Variants in PCDHGA7 observed in about 807,000 individuals in gnomAD.
The protein encoded by PCDHGA7 is protocadherin gamma-A7.
A neutral mutation model predicts 58.3 loss-of-function variants in PCDHGA7; 44 were observed. That is an observed-to-expected ratio of 0.75 (90% CI 0.59 to 0.97). The LOEUF (loss-of-function observed/expected upper bound fraction) is 0.97, where lower values mean the gene tolerates loss of function less well. PCDHGA7 is among the 50% of genes least tolerant of loss of function. PCDHGA7 has a pLI of 0.00. For synonymous variants in PCDHGA7, 516 were observed against 504.2 expected, an observed-to-expected ratio of 1.02 and a Z score of -0.31; for missense variants, 1,266 against 1,188.7, an observed-to-expected ratio of 1.06 and a Z score of -0.96.
chr5:141,446,191 T>C (rs2098492956), intron 1 of PCDHGA7, among the ~76,000 whole-genome samples: 1 of 152,206 alleles, frequency 6.6e-6, no homozygotes, highest in Non-Finnish European at 1.5e-5. Flanking sequence ...TGTTTATTAT[T>C]ATATTCCTAG....
chr5:141,449,830 T>G (rs1316368063), intron 1 of PCDHGA7, among the ~76,000 whole-genome samples: 1 of 151,724 alleles, frequency 6.6e-6, no homozygotes, highest in Non-Finnish European at 1.5e-5. Flanking sequence ...AAGGACATTC[T>G]TTTATATAAT....
chr5:141,392,911 A>G (rs1416480997), intron 1 of PCDHGA7: 1 of 1,613,712 alleles, frequency 6.2e-7, no homozygotes, highest in African/African-American at 1.3e-5. Context: ...CAGATTCGCT[A>G]CTCTGTGCCA....
chr5:141,383,259 C>G lies in PCDHGA7; in HGVS notation c.360C>G (p.Asp120Glu), dbSNP rs768704302. ...ATAAAATGAATCTTTACCCTATAGACGTGGAAATAATAGATATTAATGACA... is the reference window on the plus strand; with the variant it reads ...ATAAAATGAATCTTTACCCTATAGAGGTGGAAATAATAGATATTAATGACA... The part of the protein sequence containing the change: ...MEDKMNLYPI[D>E]VEIIDINDNV... Residue 120 changes from aspartate (D) to glutamate (E), a missense_variant, in exon 1 of 4, where the codon GAC (aspartate) becomes GAG (glutamate). Coordinates refer to ENST00000518325, the MANE Select transcript of PCDHGA7 (RefSeq NM_018920.4). 1 of 1,613,810 alleles carries G rather than the reference C, an allele frequency of 6.2e-7. No individual in the cohort carries two copies. The highest frequency in any genetic ancestry group is 1.1e-5 in the South Asian group (1 of 91,078).
intron 1 of PCDHGA7, chr5:141,418,422 G>A: frequency 6.2e-7 from 1 of 1,613,996 alleles, no homozygotes; most frequent in East Asian, 2.2e-5. Context: ...AATCCTGATG[G>A]TGGCAAATAT....
At position 141,390,587 on chromosome 5, in the gene PCDHGA7, A is replaced by G. The variant is rs1043489470; in HGVS notation, c.2424+5264A>G. The G allele has an allele frequency of 4.1e-5, 14 of 340,484 alleles. No homozygotes were observed. The Admixed American group carries it at 6.3e-4, about 15-fold the overall frequency. The allele number at this position is 340,484 out of a possible 1,614,324, so 21.1% of individuals were successfully genotyped here. A position where few individuals can be genotyped will look rare whatever the true frequency, so the allele number is the denominator to read the frequency against. Reference sequence around the variant, plus strand: ...TTGGCTCTCTCCTAAAAAGTGAATGAGATTTTTCCTATACATTTTCCTTCT... The same window carrying G: ...TTGGCTCTCTCCTAAAAAGTGAATGGGATTTTTCCTATACATTTTCCTTCT... On this transcript the variant is annotated intron_variant, in intron 1 of 3. Transcript: ENST00000518325.
chr5:141,392,916 G>A, intron 1 of PCDHGA7: 1 of 1,613,936 alleles, frequency 6.2e-7, no homozygotes, highest in Non-Finnish European at 8.5e-7. Context: ...TCGCTACTCT[G>A]TGCCAGAAGA....
chr5:141,497,031 A>G (rs898409925), intron 2 of PCDHGA7, among the ~76,000 whole-genome samples: 14 of 152,184 alleles, frequency 9.2e-5, no homozygotes, highest in African/African-American at 3.4e-4. Context: ...TCGATTAAAA[A>G]TACAAAAATT....
At chr5:141,509,454 G>T (rs1164813611) in intron 3 of PCDHGA7, among the ~76,000 whole-genome samples, 2 of 151,976 alleles carry the variant, frequency 1.3e-5, no homozygotes, top group African/African-American at 2.4e-5. Flanking sequence ...TCCCACCCCC[G>T]ACCCAGTCAG....
chr5:141,489,174 C>A lies in PCDHGA7; in HGVS notation c.2425-5633C>A. On this transcript the variant is annotated intron_variant, in intron 1 of 3. Coordinates refer to ENST00000518325, the MANE Select transcript of PCDHGA7 (RefSeq NM_018920.4). The surrounding 1 kb of genome is among the most constrained non-coding windows in gnomAD (Gnocchi z 4.5). ...ATAAGAGACTTCAGCTGCTGCATTC[C>A]AAGCCCTGGGTCTACCTTGGAGACA... The A allele has an allele frequency of 8.2e-7, 1 of 1,224,772 alleles. No individual in the cohort carries two copies. 75.9% of individuals were successfully genotyped at this position (1,224,772 alleles called of 1,614,324 possible).
intron 1 of PCDHGA7, chr5:141,400,024 G>C (rs2093943300): frequency 6.2e-7 from 1 of 1,612,894 alleles, no homozygotes; most frequent in Non-Finnish European, 8.5e-7. Flanking sequence ...CGACAGGGAC[G>C]CGGCCCGCCA....
Position 141,485,842 on chromosome 5 carries a change from T to G in PCDHGA7, c.2425-8965T>G. 4 of 1,614,002 alleles carry G rather than the reference T, an allele frequency of 2.5e-6. No homozygotes were observed. The highest frequency in any genetic ancestry group is 3.4e-6 in the Non-Finnish European group (4 of 1,179,982). On this transcript the variant is annotated intron_variant, in intron 1 of 3. Coordinates refer to ENST00000518325, the MANE Select transcript of PCDHGA7 (RefSeq NM_018920.4). The surrounding 1 kb of genome is among the most constrained non-coding windows in gnomAD (Gnocchi z 5.7). ...TCGATGGAGGGAACCCGCCGAGATC[T>G]GGCACCGCAGAGCTCCGGGTATCCG...
At chr5:141,424,357 G>A (rs1171882619) in intron 1 of PCDHGA7, 1 of 152,122 alleles carries the variant, frequency 6.6e-6, no homozygotes, top group Non-Finnish European at 1.5e-5. Context: ...ATAAAATTTA[G>A]ATCACATTTT....
In PCDHGA7 at chr5:141,384,259, C is replaced by A; in HGVS notation, c.1360C>A (p.His454Asn). The change falls in exon 1 of 4, where the codon CAC becomes AAC. Residue 454 changes from histidine to asparagine, a missense_variant. Transcript: ENST00000518325. ...DTNDNPPTFP[H>N]SSYSVYIAEN... is the part of the protein sequence containing the mutation. ...CAACGATAACCCACCCACCTTCCCCCACTCATCCTACTCAGTCTACATCGC... is the reference window on the plus strand; with the variant it reads ...CAACGATAACCCACCCACCTTCCCCAACTCATCCTACTCAGTCTACATCGC... 1 of 1,613,886 alleles carries A rather than the reference C, an allele frequency of 6.2e-7. No individual in the cohort carries two copies. Among genetic ancestry groups the A allele is most frequent in the Non-Finnish European group, 8.5e-7 (1 of 1,179,898 alleles).
At chr5:141,417,781 G>C in intron 1 of PCDHGA7, 1 of 1,473,574 alleles carries the variant, frequency 6.8e-7, no homozygotes. Flanking sequence ...CCTGTCCTGG[G>C]CCGAATGCTC....
chr5:141,395,435 T>A, intron 1 of PCDHGA7: 1 of 680,384 alleles, frequency 1.5e-6, no homozygotes, highest in Non-Finnish European at 2.3e-6. Context: ...TTTAAACGAC[T>A]TGGAAAAGAT....
At chr5:141,415,824 CT>C (rs1412807947) in intron 1 of PCDHGA7, 8 of 1,306,364 alleles carry the variant, frequency 6.1e-6, no homozygotes, top group Non-Finnish European at 7.8e-6. Flanking sequence ...TATCATAAGG[CT>C]TTGTTATGAT....
intron 1 of PCDHGA7, among the ~76,000 whole-genome samples, chr5:141,465,576 C>T (rs1002696285): frequency 6.6e-6 from 1 of 152,136 alleles, no homozygotes; most frequent in Non-Finnish European, 1.5e-5. Context: ...TCTCAAAACA[C>T]TCTCATAATA....
intron 1 of PCDHGA7, chr5:141,415,739 GGTTTTTTTTT>G: frequency 6.9e-6 from 3 of 434,948 alleles, no homozygotes; most frequent in Middle Eastern, 6.4e-4. Context: ...TGTTTATTAA[GGTTTTTTTTT>G]TTTTTTTTTT....
chr5:141,483,245 A>G (rs2099578786), intron 1 of PCDHGA7, among the ~76,000 whole-genome samples: 1 of 151,456 alleles, frequency 6.6e-6, no homozygotes, highest in Non-Finnish European at 1.5e-5. Flanking sequence ...TGATATGCAT[A>G]TATCATGAGG....
Sources: gnomAD v4.1 joint callset for allele counts (sites outside exome capture counted in the v4.1 genomes callset) on GRCh38, gnomAD v4.1.1 for gene constraint, Gnocchi (gnomAD v3.1) non-coding constraint, MANE v1.5 for transcripts, NCBI Gene and HGNC (gene_info 2026-07-23, HGNC 2026-07-21) for gene names.